KDM4C: variants seen among roughly 807,000 people sequenced by gnomAD.
KDM4C encodes lysine demethylase 4C.
KDM4C carries 81 observed loss-of-function variants against 129.3 expected under a neutral mutation model. The observed-to-expected ratio is 0.63, with a 90% confidence interval of 0.52 to 0.75. The LOEUF is 0.75. KDM4C is among the 30% of genes least tolerant of loss of function. The pLI is 0.00. For synonymous variants in KDM4C, 573 were observed against 456.1 expected (o/e 1.26, Z -3.26); for missense variants, 1,457 against 1,304.0 (o/e 1.12, Z -1.81).
intron 8 of KDM4C, among the ~76,000 whole-genome samples, chr9:6,976,486 G>A (rs1832940287): frequency 1.3e-5 from 2 of 152,086 alleles, no homozygotes; most frequent in Admixed American, 1.3e-4. Context: ...CATATAAACT[G>A]TTGGGTTCTT....
At chr9:7,087,765 C>T (rs1485700053) in intron 17 of KDM4C, among the ~76,000 whole-genome samples, 2 of 152,094 alleles carry the variant, frequency 1.3e-5, no homozygotes, top group African/African-American at 2.4e-5. Flanking sequence ...TATCAAATGA[C>T]AATGGTATTT....
At chr9:7,006,215 A>G (rs188050474) in intron 12 of KDM4C, among the ~76,000 whole-genome samples, 1 of 152,220 alleles carries the variant, frequency 6.6e-6, no homozygotes, top group Non-Finnish European at 1.5e-5. Flanking sequence ...ATGTCTTAAG[A>G]TACTCAAAGT....
In KDM4C at chr9:7,101,300, C is replaced by G. The variant is rs147631537; in HGVS notation, c.2425-2385C>G. Among the ~76,000 whole-genome samples the G allele has an allele frequency of 3.0e-3, 451 of 152,198 alleles. 1 individual carries two copies. Among genetic ancestry groups the G allele is most frequent in the Non-Finnish European group, 5.5e-3 (376 of 68,008 alleles). On this transcript the variant is annotated intron_variant, in intron 17 of 21. Coordinates refer to ENST00000381309, the MANE Select transcript of KDM4C (RefSeq NM_015061.6). Reference sequence around the variant, plus strand: ...AGATTCCATTCTGTAGCCCAGGTATCTTTAGGCATCAAATTCCAGAGATTT... The same window carrying G: ...AGATTCCATTCTGTAGCCCAGGTATGTTTAGGCATCAAATTCCAGAGATTT...
intron 13 of KDM4C, among the ~76,000 whole-genome samples, chr9:7,012,887 A>T (rs904539569): frequency 6.6e-6 from 1 of 152,236 alleles, no homozygotes; most frequent in African/African-American, 2.4e-5. Flanking sequence ...AGAGTTCCTT[A>T]TAAAAATAAA....
intron 4 of KDM4C, among the ~76,000 whole-genome samples, chr9:6,826,472 T>C (rs998675637): frequency 7.2e-5 from 11 of 152,140 alleles, no homozygotes; most frequent in African/African-American, 1.4e-4. Context: ...ATAAAAAAAA[T>C]TTTTGTGGTA....
chr9:7,010,368 A>C (rs566922942), intron 12 of KDM4C, among the ~76,000 whole-genome samples: 20 of 152,344 alleles, frequency 1.3e-4, no homozygotes, highest in Non-Finnish European at 2.4e-4. Context: ...TTTGTGCTAC[A>C]GTTGGCATTT....
chr9:6,928,457 T>C (rs1032792602), intron 8 of KDM4C, among the ~76,000 whole-genome samples: 8 of 152,256 alleles, frequency 5.3e-5, no homozygotes, highest in Admixed American at 5.2e-4. Context: ...GCTTGCCTGG[T>C]TAGACCCTTT....
At chr9:6,996,196 T>A (rs981231494) in intron 12 of KDM4C, among the ~76,000 whole-genome samples, 2 of 152,248 alleles carry the variant, frequency 1.3e-5, no homozygotes, top group African/African-American at 4.8e-5. Context: ...TTTTAAGCCA[T>A]GGCAAGCTTC....
At chr9:6,973,429 C>T (rs1832345083) in intron 8 of KDM4C, among the ~76,000 whole-genome samples, 1 of 152,126 alleles carries the variant, frequency 6.6e-6, no homozygotes, top group South Asian at 2.1e-4. Flanking sequence ...AGGTATTTTC[C>T]CACTTTAGAA....
intron 1 of KDM4C, among the ~76,000 whole-genome samples, chr9:6,764,900 C>T (rs183454686): frequency 1.7e-3 from 252 of 152,284 alleles, no homozygotes; most frequent in African/African-American, 5.9e-3. Context: ...TGGAATTTCT[C>T]CTGCATCTCA....
intron 1 of KDM4C, among the ~76,000 whole-genome samples, chr9:6,776,669 A>G (rs1420537858): frequency 1.5e-5 from 2 of 130,570 alleles, no homozygotes; most frequent in South Asian, 2.3e-4. Flanking sequence ...CAATGGCGCT[A>G]TCTCAGCTCA....
chr9:6,896,192 C>A (rs1285142450), intron 8 of KDM4C, among the ~76,000 whole-genome samples: 1 of 152,026 alleles, frequency 6.6e-6, no homozygotes, highest in Non-Finnish European at 1.5e-5. Flanking sequence ...TGTCTTAATT[C>A]TTTGTCTTCA....
chr9:6,748,612 A>C, intron 1 of KDM4C: 1 of 727,980 alleles, frequency 1.4e-6, no homozygotes, highest in Admixed American at 2.0e-5. Flanking sequence ...AAGTGTAATC[A>C]AAACAATATG....
intron 2 of KDM4C, among the ~76,000 whole-genome samples, chr9:6,802,302 G>C (rs1397815409): frequency 6.6e-6 from 1 of 152,194 alleles, no homozygotes; most frequent in Non-Finnish European, 1.5e-5. Context: ...GTATATTGCA[G>C]TTGGGAGTGC....
intron 18 of KDM4C, chr9:7,105,401 G>A: frequency 2.1e-6 from 1 of 468,772 alleles, no homozygotes; most frequent in South Asian, 1.6e-5. Context: ...GTTGTTTTCA[G>A]TTCACAGCAC....
intron 17 of KDM4C, among the ~76,000 whole-genome samples, chr9:7,087,666 A>G (rs1835291837): frequency 1.3e-5 from 2 of 152,232 alleles, no homozygotes; most frequent in African/African-American, 2.4e-5. Context: ...AAAGTGGAAT[A>G]GGAGTAATAT....
At chr9:7,010,309 T>TAAC (rs760557979) in intron 12 of KDM4C, among the ~76,000 whole-genome samples, 2 of 152,320 alleles carry the variant, frequency 1.3e-5, no homozygotes, top group East Asian at 1.9e-4. Context: ...GTAAAAATAA[T>TAAC]AACAACAACA....
chr9:6,831,598 C>T (rs1418037176), intron 4 of KDM4C, among the ~76,000 whole-genome samples: 1 of 152,134 alleles, frequency 6.6e-6, no homozygotes. Flanking sequence ...CCAACTCGGC[C>T]TCTAAAGTGC....
upstream of KDM4C, among the ~76,000 whole-genome samples, chr9:6,757,417 G>A (rs1038479975): frequency 1.3e-5 from 2 of 152,212 alleles, no homozygotes; most frequent in African/African-American, 2.4e-5. Context: ...GCTCCTGCGC[G>A]GTAGTTGTTA....
Sources: allele counts gnomAD v4.1 joint callset (sites outside exome capture counted in the v4.1 genomes callset), GRCh38; gene constraint gnomAD v4.1.1; transcripts MANE v1.5; gene names NCBI Gene and HGNC (gene_info 2026-07-23, HGNC 2026-07-21).